GRIK4: variants seen among roughly 807,000 people sequenced by gnomAD.
GRIK4 encodes the protein glutamate receptor ionotropic, kainate 4.
In GRIK4, 40 loss-of-function variants were observed where a neutral mutation model predicts 104.9. The ratio of observed to expected loss-of-function variants is 0.38; its 90% CI spans 0.30 to 0.50. The LOEUF (loss-of-function observed/expected upper bound fraction) is 0.50, where lower values mean the gene tolerates loss of function less well. Among genes scored for constraint, GRIK4 ranks in the 20% least tolerant of loss-of-function variants. The pLI is 0.93. For synonymous variants in GRIK4, 485 were observed against 524.9 expected (o/e 0.92, Z 1.04); for missense variants, 1,047 against 1,308.1 (o/e 0.80, Z 3.08).
chr11:120,680,331 G>A (rs1950168698), intron 3 of GRIK4, among the ~76,000 whole-genome samples: 1 of 129,330 alleles, frequency 7.7e-6, no homozygotes. Context: ...ACCTGCCCCG[G>A]CCTCCCTAAG....
At chr11:120,835,395 G>A (rs186605548) in intron 7 of GRIK4, among the ~76,000 whole-genome samples, 4 of 152,278 alleles carry the variant, frequency 2.6e-5, no homozygotes, top group East Asian at 1.9e-4. Flanking sequence ...AGGTGTGGTC[G>A]TGGGTGCCTG....
intron 4 of GRIK4, among the ~76,000 whole-genome samples, chr11:120,810,318 C>T (rs772715834): frequency 5.9e-5 from 9 of 152,224 alleles, no homozygotes; most frequent in Non-Finnish European, 1.0e-4. Flanking sequence ...AATTTATTTT[C>T]AGGAGAAACT....
At chr11:120,912,989 G>T (rs1490718153) in intron 13 of GRIK4, among the ~76,000 whole-genome samples, 1 of 152,174 alleles carries the variant, frequency 6.6e-6, no homozygotes, top group Non-Finnish European at 1.5e-5. Flanking sequence ...ATCTGTCTGG[G>T]CATTGTCTTA....
At chr11:120,845,189 A>G (rs548523096) in intron 8 of GRIK4, among the ~76,000 whole-genome samples, 45 of 152,316 alleles carry the variant, frequency 3.0e-4, no homozygotes, top group African/African-American at 1.0e-3. Flanking sequence ...TGACACTGAG[A>G]ATAGAGAAAG....
At chr11:120,652,133 G>C (rs1216839711) in intron 1 of GRIK4, among the ~76,000 whole-genome samples, 1 of 152,190 alleles carries the variant, frequency 6.6e-6, no homozygotes, top group Non-Finnish European at 1.5e-5. Context: ...CTGCTTCGCA[G>C]GGTTCTCCTG....
chr11:120,905,123 T>C lies in GRIK4; in HGVS notation c.1273-167T>C, dbSNP rs77544532. Among the ~76,000 whole-genome samples the C allele has an allele frequency of 3.8e-3, 572 of 152,194 alleles. 2 individuals are homozygous for C. Among genetic ancestry groups the C allele is most frequent in the African/African-American group, 0.013 (542 of 41,526 alleles). On this transcript the variant is annotated intron_variant, in intron 12 of 20. Transcript: ENST00000527524. This position sits in a 1 kb window ranked among gnomAD's most constrained non-coding sequence, Gnocchi z 5.1. ...TTGAAGGACAGCTTTAAGGAGCACA[T>C]CAGGGAGAGGAGCTGGTCATCACCC... is the stretch of plus-strand genomic sequence containing the variant.
intron 1 of GRIK4, among the ~76,000 whole-genome samples, chr11:120,644,011 C>CTGTG (rs369374873): frequency 0.037 from 4,483 of 122,730 alleles, 204 homozygotes; most frequent in East Asian, 0.15. Flanking sequence ...GGGAGAGGGT[C>CTGTG]TGTGTGTGTG....
chr11:120,758,712 A>G (rs1022567273), intron 3 of GRIK4, among the ~76,000 whole-genome samples: 3 of 152,200 alleles, frequency 2.0e-5, no homozygotes, highest in Non-Finnish European at 4.4e-5. Flanking sequence ...GTGAAACATT[A>G]CAGAAGACAA....
chr11:120,720,132 T>G (rs1258139727), intron 3 of GRIK4, among the ~76,000 whole-genome samples: 1 of 151,914 alleles, frequency 6.6e-6, no homozygotes, highest in Non-Finnish European at 1.5e-5. Flanking sequence ...TGGAGCAGGT[T>G]GTGTGTGTTG....
At chr11:120,632,226 G>A (rs1824079925) in intron 1 of GRIK4, among the ~76,000 whole-genome samples, 1 of 152,082 alleles carries the variant, frequency 6.6e-6, no homozygotes, top group African/African-American at 2.4e-5. Context: ...CAAGAAGCTG[G>A]CCATCTGCAA....
chr11:120,559,886 C>G (rs1948222029), intron 1 of GRIK4, among the ~76,000 whole-genome samples: 1 of 152,082 alleles, frequency 6.6e-6, no homozygotes, highest in East Asian at 1.9e-4. Flanking sequence ...GGAGACAGGC[C>G]TATTAGAGGG....
intron 3 of GRIK4, among the ~76,000 whole-genome samples, chr11:120,711,085 G>GTCCT (rs1950727683): frequency 6.6e-6 from 1 of 152,048 alleles, no homozygotes; most frequent in Admixed American, 6.5e-5. Context: ...TGAGCTGTAG[G>GTCCT]AGACAGTGAG....
chr11:120,642,623 C>T (rs576192613), intron 1 of GRIK4, among the ~76,000 whole-genome samples: 1 of 152,238 alleles, frequency 6.6e-6, no homozygotes, highest in East Asian at 1.9e-4. Context: ...GGCTGTGAGG[C>T]CCCATCTTCT....
intron 1 of GRIK4, among the ~76,000 whole-genome samples, chr11:120,536,463 A>G (rs1332507096): frequency 6.6e-6 from 1 of 152,254 alleles, no homozygotes; most frequent in East Asian, 1.9e-4. Context: ...AGACAGGTGG[A>G]TGCGGAGCTG....
At chr11:120,896,625 C>T (rs562379614) in intron 11 of GRIK4, among the ~76,000 whole-genome samples, 4 of 152,364 alleles carry the variant, frequency 2.6e-5, no homozygotes, top group African/African-American at 7.2e-5. Flanking sequence ...CCCTGCCATC[C>T]ACACTCTCCA....
chr11:120,766,928 AT>A (rs2135450247), intron 3 of GRIK4, among the ~76,000 whole-genome samples: 1 of 151,036 alleles, frequency 6.6e-6, no homozygotes, highest in East Asian at 2.0e-4. Flanking sequence ...CGTGTATTAT[AT>A]TTTCTTTATC....
At chr11:120,943,151 C>CACACACACACACA (rs869038854) in intron 14 of GRIK4, among the ~76,000 whole-genome samples, 7 of 98,506 alleles carry the variant, frequency 7.1e-5, no homozygotes, top group Admixed American at 2.0e-4. Flanking sequence ...CACACACACA[C>CACACACACACACA]CCCCCTGACT....
intron 3 of GRIK4, among the ~76,000 whole-genome samples, chr11:120,675,911 A>T (rs1950092839): frequency 6.6e-6 from 1 of 152,242 alleles, no homozygotes; most frequent in Admixed American, 6.5e-5. Flanking sequence ...TCACAAACTT[A>T]GTGGCTTAAA....
chr11:120,835,921 A>G (rs1216689952), intron 7 of GRIK4, among the ~76,000 whole-genome samples: 2 of 152,228 alleles, frequency 1.3e-5, no homozygotes, highest in Non-Finnish European at 2.9e-5. Context: ...GTGATGCCAC[A>G]CTGATGCGCT....
Sources: allele counts gnomAD v4.1 joint callset (sites outside exome capture counted in the v4.1 genomes callset), GRCh38; gene constraint gnomAD v4.1.1; non-coding constraint Gnocchi (gnomAD v3.1); transcripts MANE v1.5; gene names NCBI Gene and HGNC (gene_info 2026-07-23, HGNC 2026-07-21).